Variants in CSMD1 observed in about 807,000 individuals in gnomAD.
CSMD1 encodes the protein CUB and sushi domain-containing protein 1.
A neutral mutation model predicts 417.5 loss-of-function variants in CSMD1; 213 were observed. The observed-to-expected ratio is 0.51, with a 90% CI of 0.46 to 0.57. CSMD1 has a LOEUF of 0.57. Among genes scored for constraint, CSMD1 ranks in the 20% least tolerant of loss-of-function variants. The pLI is 0.00. For synonymous variants in CSMD1, 2,862 were observed against 1,736.8 expected (o/e 1.65, Z -16.11); for missense variants, 6,923 against 4,529.7 (o/e 1.53, Z -15.17).
intron 5 of CSMD1, among the ~76,000 whole-genome samples, chr8:3,979,068 T>A (rs1813655649): frequency 6.6e-6 from 1 of 152,232 alleles, no homozygotes; most frequent in East Asian, 1.9e-4. Context: ...TTCCTTCAGA[T>A]GTGCACAGCG....
intron 12 of CSMD1, among the ~76,000 whole-genome samples, chr8:3,439,154 C>CAAAAAAAAAAA (rs1563390150): frequency 0.012 from 328 of 26,530 alleles, 67 homozygotes; most frequent in Middle Eastern, 0.021. Flanking sequence ...AAAAAAAAAC[C>CAAAAAAAAAAA]AAGAAAAAAA....
intron 3 of CSMD1, among the ~76,000 whole-genome samples, chr8:4,206,255 T>C (rs1270924964): frequency 6.6e-6 from 1 of 152,168 alleles, no homozygotes; most frequent in African/African-American, 2.4e-5. Context: ...GCAGGTTTGT[T>C]ACATATGTAT....
At chr8:4,668,040 C>T (rs1463756595) in intron 1 of CSMD1, among the ~76,000 whole-genome samples, 1 of 152,194 alleles carries the variant, frequency 6.6e-6, no homozygotes. Context: ...AATACCTCAT[C>T]TCTTATTTTG....
chr8:3,282,599 G>A lies in CSMD1; in HGVS notation c.4153+1545C>T, dbSNP rs183746564. On this transcript the variant is annotated intron_variant, in intron 26 of 69. Transcript: ENST00000635120. ...GAGTAAAGGACTTTTTTTCCCCCAA[G>A]GCAGGATAGTTGGAACACTCTTACT... Among the ~76,000 whole-genome samples the A allele has an allele frequency of 1.4e-4, 21 of 152,114 alleles. No homozygotes were observed. The East Asian group carries it at 3.3e-3, about 24-fold the overall frequency.
chr8:3,930,425 G>T (rs1350637480), intron 5 of CSMD1, among the ~76,000 whole-genome samples: 1 of 150,578 alleles, frequency 6.6e-6, no homozygotes, highest in East Asian at 1.9e-4. Flanking sequence ...CAAGCATTAG[G>T]TCAAAGCCTG....
chr8:4,984,064 C>T (rs528281394), intron 1 of CSMD1, among the ~76,000 whole-genome samples: 2 of 152,194 alleles, frequency 1.3e-5, no homozygotes, highest in African/African-American at 2.4e-5. Flanking sequence ...AGATGCTGTA[C>T]CCTACAGAGA....
At chr8:3,146,759 G>T (rs955810209) in intron 40 of CSMD1, among the ~76,000 whole-genome samples, 2 of 152,200 alleles carry the variant, frequency 1.3e-5, no homozygotes, top group Non-Finnish European at 2.9e-5. Context: ...GGAAAGCCAG[G>T]TAAGATGATT....
At chr8:4,191,618 A>C (rs1263635196) in intron 3 of CSMD1, among the ~76,000 whole-genome samples, 1 of 152,144 alleles carries the variant, frequency 6.6e-6, no homozygotes, top group South Asian at 2.1e-4. Flanking sequence ...ATGTTGAAAG[A>C]AAACTACAAG....
At chr8:3,742,915 G>A (rs1391721502) in intron 6 of CSMD1, among the ~76,000 whole-genome samples, 2 of 152,146 alleles carry the variant, frequency 1.3e-5, no homozygotes, top group Non-Finnish European at 2.9e-5. Context: ...GTGCGAATGC[G>A]CTGAGCAGCC....
At position 4,022,763 on chromosome 8, in the gene CSMD1, C is replaced by G. The variant is rs151222296; in HGVS notation, c.610+9142G>C. Among the ~76,000 whole-genome samples the G allele has an allele frequency of 7.4e-3, 1,133 of 152,190 alleles. 18 individuals are homozygous for G. Among genetic ancestry groups the G allele is most frequent in the African/African-American group, 0.025 (1,033 of 41,518 alleles). ...ACAGACAACTAGAAACTTTGGGAAT[C>G]AGAGAAAACAATTGTATTCCACATA... On this transcript the variant is annotated intron_variant, in intron 4 of 69. Coordinates refer to ENST00000635120, the MANE Select transcript of CSMD1 (RefSeq NM_033225.6).
chr8:4,282,915 C>T (rs916902868), intron 3 of CSMD1, among the ~76,000 whole-genome samples: 2 of 152,138 alleles, frequency 1.3e-5, no homozygotes, highest in East Asian at 1.9e-4. Flanking sequence ...CAGTTCATTG[C>T]TGTATAAACA....
chr8:3,811,416 G>A (rs1187363601), intron 5 of CSMD1, among the ~76,000 whole-genome samples: 3 of 152,266 alleles, frequency 2.0e-5, no homozygotes, highest in East Asian at 1.9e-4. Flanking sequence ...TAAGGCATTT[G>A]CTTCATGTTC....
intron 1 of CSMD1, among the ~76,000 whole-genome samples, chr8:4,732,155 G>T (rs1200464161): frequency 2.6e-5 from 4 of 151,952 alleles, no homozygotes; most frequent in African/African-American, 9.7e-5. Flanking sequence ...ATGTTCCCAG[G>T]ACCCAGTGTG....
intron 3 of CSMD1, among the ~76,000 whole-genome samples, chr8:4,231,554 G>T (rs929224191): frequency 5.9e-5 from 9 of 152,158 alleles, no homozygotes; most frequent in African/African-American, 2.2e-4. Flanking sequence ...GCTAAGCAAT[G>T]ACAACAGTTT....
chr8:4,697,493 C>T (rs924635698), intron 1 of CSMD1, among the ~76,000 whole-genome samples: 3 of 152,126 alleles, frequency 2.0e-5, no homozygotes, highest in Non-Finnish European at 4.4e-5. Context: ...TAACATATTC[C>T]TTTGGCTTTA....
intron 1 of CSMD1, among the ~76,000 whole-genome samples, chr8:4,672,169 A>G (rs1246101798): frequency 2.0e-5 from 3 of 152,194 alleles, no homozygotes; most frequent in Non-Finnish European, 4.4e-5. Flanking sequence ...GCTGGCTTCC[A>G]TTTGCCAAGT....
chr8:3,882,729 T>C lies in CSMD1; in HGVS notation c.818+115174A>G, dbSNP rs186484293. ...CACATTACAAATGTGCACAACAATG[T>C]AGGTGAATGTCACAAACATAACTTT... On this transcript the variant is annotated intron_variant, in intron 5 of 69. Coordinates refer to ENST00000635120, the MANE Select transcript of CSMD1 (RefSeq NM_033225.6). Among the ~76,000 whole-genome samples, 104 of 152,286 alleles carry C rather than the reference T, an allele frequency of 6.8e-4. 1 individual carries two copies. The highest frequency in any genetic ancestry group is 2.3e-3 in the African/African-American group (95 of 41,568).
At chr8:4,272,466 A>G (rs532678656) in intron 3 of CSMD1, among the ~76,000 whole-genome samples, 15 of 152,292 alleles carry the variant, frequency 9.8e-5, no homozygotes, top group South Asian at 8.3e-4. Context: ...TTCTATGAGT[A>G]TATAGGCACA....
chr8:4,162,433 A>T (rs1289345327), intron 3 of CSMD1, among the ~76,000 whole-genome samples: 1 of 152,214 alleles, frequency 6.6e-6, no homozygotes, highest in African/African-American at 2.4e-5. Flanking sequence ...ATAAAATAAT[A>T]AACAGAATAG....
Sources: allele counts gnomAD v4.1 joint callset (sites outside exome capture counted in the v4.1 genomes callset), GRCh38; gene constraint gnomAD v4.1.1; transcripts MANE v1.5; gene names NCBI Gene and HGNC (gene_info 2026-07-23, HGNC 2026-07-21).